The following ADAMTSL1 variants were observed in gnomAD, a reference collection of about 807,000 sequenced individuals.
The protein encoded by ADAMTSL1 is ADAMTS like 1, also known as ADAMTS-like protein 1.
A neutral mutation model predicts 201.8 loss-of-function variants in ADAMTSL1; 126 were observed. That is an observed-to-expected ratio of 0.62 (90% CI 0.54 to 0.72). The LOEUF (loss-of-function observed/expected upper bound fraction) is 0.72. ADAMTSL1 is among the 30% of genes least tolerant of loss of function. The pLI is 0.00. For missense variants in ADAMTSL1, 2,679 were observed against 2,277.8 expected (o/e 1.18, Z -3.59); for synonymous variants, 1,121 against 903.4 (o/e 1.24, Z -4.32).
rs957111002 is a variant in ADAMTSL1, at chr9:18,210,422, TTAA to T, written c.207+46445_207+46447del. 3.6e-4 allele frequency among the ~76,000 whole-genome samples: 53 copies of T among 145,804 alleles called. 1 individual carries two copies. The highest frequency in any genetic ancestry group is 3.6e-3 in the Middle Eastern group (1 of 276). On this transcript the variant is annotated intron_variant, in intron 2 of 29. Transcript: ENST00000680146. ...TATATATTATTATATATGATATATA[TTAA>T]TAAATATATTATGTATGATATATTA...
chr9:18,608,425 A>G (rs915342302), intron 4 of ADAMTSL1, among the ~76,000 whole-genome samples: 1 of 152,218 alleles, frequency 6.6e-6, no homozygotes, highest in Non-Finnish European at 1.5e-5. Flanking sequence ...AGCAGGAAAG[A>G]AAAAGAATTC....
intron 3 of ADAMTSL1, among the ~76,000 whole-genome samples, chr9:18,564,055 G>C (rs187472331): frequency 6.6e-6 from 1 of 152,206 alleles, no homozygotes; most frequent in Admixed American, 6.5e-5. Context: ...GGCGCCACTG[G>C]GGAATGAAAA....
rs1299810044 is a variant in ADAMTSL1, at chr9:18,286,719, T to G, written c.207+122738T>G. Among the ~76,000 whole-genome samples, 4 of 150,772 alleles carry G rather than the reference T, an allele frequency of 2.7e-5. 1 individual carries two copies. Among genetic ancestry groups the G allele is most frequent in the African/African-American group, 9.7e-5 (4 of 41,284 alleles). ...TTATGCATTATCAGGCCCATTCCTATAAGAGAATTTTCCATAGAAGAGAAC... is the reference window on the plus strand; with the variant it reads ...TTATGCATTATCAGGCCCATTCCTAGAAGAGAATTTTCCATAGAAGAGAAC... On this transcript the variant is annotated intron_variant, in intron 2 of 29. Coordinates refer to the ADAMTSL1 transcript ENST00000680146.
intron 2 of ADAMTSL1, among the ~76,000 whole-genome samples, chr9:18,196,950 G>T (rs1292842591): frequency 6.6e-6 from 1 of 152,030 alleles, no homozygotes; most frequent in East Asian, 1.9e-4. Context: ...GGCCCCTATA[G>T]CTTCACTCCC....
chr9:18,275,294 C>A (rs1300623726), intron 2 of ADAMTSL1, among the ~76,000 whole-genome samples: 1 of 152,192 alleles, frequency 6.6e-6, no homozygotes, highest in African/African-American at 2.4e-5. Flanking sequence ...TTAATAAAAA[C>A]TGTTCTTCAC....
chr9:18,221,732 T>G (rs1156243986), intron 2 of ADAMTSL1, among the ~76,000 whole-genome samples: 1 of 152,180 alleles, frequency 6.6e-6, no homozygotes, highest in East Asian at 1.9e-4. Context: ...TTATTGGCCT[T>G]GTACATTGTC....
intron 23 of ADAMTSL1, among the ~76,000 whole-genome samples, chr9:18,836,694 G>A (rs1436910943): frequency 2.6e-5 from 4 of 152,132 alleles, no homozygotes; most frequent in African/African-American, 9.7e-5. Flanking sequence ...TGGGCAGTAT[G>A]GCCATACTAA....
intron 2 of ADAMTSL1, among the ~76,000 whole-genome samples, chr9:18,254,047 C>T (rs1029133428): frequency 1.3e-5 from 2 of 152,160 alleles, no homozygotes; most frequent in African/African-American, 2.4e-5. Context: ...GAGGCAGCAC[C>T]TCCTCGAGTG....
intron 9 of ADAMTSL1, among the ~76,000 whole-genome samples, chr9:18,675,114 G>C (rs1830061315): frequency 6.6e-6 from 1 of 152,156 alleles, no homozygotes; most frequent in Non-Finnish European, 1.5e-5. Flanking sequence ...CAGGGTCCTA[G>C]AGGTACTAAC....
chr9:18,812,369 G>A (rs1306284751), intron 20 of ADAMTSL1, among the ~76,000 whole-genome samples: 1 of 152,118 alleles, frequency 6.6e-6, no homozygotes, highest in East Asian at 1.9e-4. Flanking sequence ...GACATCCATA[G>A]TCAAAAAATA....
chr9:18,119,025 T>C (rs536188618), intron 1 of ADAMTSL1, among the ~76,000 whole-genome samples: 1 of 152,282 alleles, frequency 6.6e-6, no homozygotes, highest in South Asian at 2.1e-4. Context: ...CCCCTTCACA[T>C]ACTGATCATG....
chr9:17,998,106 C>G (rs1819457829), intron 1 of ADAMTSL1, among the ~76,000 whole-genome samples: 1 of 151,996 alleles, frequency 6.6e-6, no homozygotes, highest in African/African-American at 2.4e-5. Flanking sequence ...CTAGCCTTTC[C>G]ATTCTTAACA....
At chr9:18,887,785 T>G in intron 23 of ADAMTSL1, 46 bp from the exon 24 acceptor site, 4 of 1,535,874 alleles carry the variant, frequency 2.6e-6, no homozygotes, top group Non-Finnish European at 1.8e-6. Flanking sequence ...CAGCAATGTG[T>G]TCCTTATGGC....
chr9:18,878,408 C>T (rs982104332), intron 23 of ADAMTSL1, among the ~76,000 whole-genome samples: 1 of 152,224 alleles, frequency 6.6e-6, no homozygotes, highest in African/African-American at 2.4e-5. Flanking sequence ...TCTCCAAGGA[C>T]CCCTGTAAGA....
intron 2 of ADAMTSL1, among the ~76,000 whole-genome samples, chr9:18,194,216 A>C (rs1829083677): frequency 6.6e-6 from 1 of 152,160 alleles, no homozygotes; most frequent in Admixed American, 6.6e-5. Context: ...TGGGGGGAGA[A>C]AAAAGCATAT....
intron 14 of ADAMTSL1, chr9:18,717,896 A>C: frequency 1.0e-6 from 1 of 1,001,008 alleles, no homozygotes; most frequent in Non-Finnish European, 1.6e-6. Flanking sequence ...TAGGTTTAAC[A>C]AAGTTGGAGT....
chr9:18,361,645 C>G (rs1366400146), intron 2 of ADAMTSL1, among the ~76,000 whole-genome samples: 1 of 152,122 alleles, frequency 6.6e-6, no homozygotes, highest in Non-Finnish European at 1.5e-5. Flanking sequence ...CCCTAGAGTA[C>G]TTGAAGGAGC....
intron 3 of ADAMTSL1, among the ~76,000 whole-genome samples, chr9:18,566,084 C>G (rs1360931690): frequency 6.6e-6 from 1 of 152,102 alleles, no homozygotes; most frequent in Admixed American, 6.5e-5. Flanking sequence ...GGCAAGACTC[C>G]CTAACCAACT....
intron 2 of ADAMTSL1, among the ~76,000 whole-genome samples, chr9:18,348,108 A>G (rs542577635): frequency 1.1e-4 from 16 of 152,336 alleles, no homozygotes; most frequent in Middle Eastern, 3.4e-3. Context: ...TTGTAGATTT[A>G]AATTTAGCTT....
Sources: allele counts gnomAD v4.1 joint callset (sites outside exome capture counted in the v4.1 genomes callset), GRCh38; gene constraint gnomAD v4.1.1; transcripts MANE v1.5; gene names NCBI Gene and HGNC (gene_info 2026-07-23, HGNC 2026-07-21).